Variants in GALNT7 observed in about 807,000 individuals in gnomAD.
The protein encoded by GALNT7 is N-acetylgalactosaminyltransferase 7.
GALNT7 carries 60 observed loss-of-function variants against 82.1 expected under a neutral mutation model. The ratio of observed to expected loss-of-function variants is 0.73; its 90% confidence interval spans 0.59 to 0.91. The LOEUF is 0.91. Ranked by LOEUF, GALNT7 falls within the 40% of genes least tolerant of loss-of-function variation. The pLI, the probability that GALNT7 is intolerant of heterozygous loss-of-function variation, is 0.00. For synonymous variants in GALNT7, 243 were observed against 275.1 expected (o/e 0.88, Z 1.15); for missense variants, 660 against 804.2 (o/e 0.82, Z 2.17).
intron 2 of GALNT7, among the ~76,000 whole-genome samples, chr4:173,278,073 T>A (rs149964043): frequency 9.6e-4 from 146 of 152,330 alleles, no homozygotes; most frequent in Non-Finnish European, 1.5e-3. Flanking sequence ...AAACTTGTTC[T>A]TGGAAACTTG....
At chr4:173,247,785 A>G (rs1734695690) in intron 1 of GALNT7, among the ~76,000 whole-genome samples, 195 bp from the exon 2 acceptor site, 1 of 152,190 alleles carries the variant, frequency 6.6e-6, no homozygotes. Flanking sequence ...GCGAGGAGAT[A>G]GCCTATTTCT....
rs34258933 is a variant in GALNT7 at position 173,237,759 on chromosome 4, T to TA, written c.127-10206dup. 6.5e-3 allele frequency among the ~76,000 whole-genome samples: 937 copies of TA among 144,502 alleles called. 11 individuals are homozygous for TA. The highest frequency in any genetic ancestry group is 0.021 in the African/African-American group (814 of 38,852). 94.8% of individuals were successfully genotyped at this position (144,502 alleles called of 152,430 possible). On this transcript the variant is annotated intron_variant, in intron 1 of 11. Coordinates refer to ENST00000265000, the MANE Select transcript of GALNT7 (RefSeq NM_017423.3). ...GGCCTAAATAAGTACTTCCCTGGAT[T>TA]AAAAAAAAAAAAAAAGTGTTAACAG...
At chr4:173,290,906 T>TC (rs1736508564) in intron 2 of GALNT7, among the ~76,000 whole-genome samples, 1 of 152,164 alleles carries the variant, frequency 6.6e-6, no homozygotes. Flanking sequence ...CTGCAGATGT[T>TC]CCCCAAATGG....
intron 1 of GALNT7, among the ~76,000 whole-genome samples, chr4:173,183,883 G>T (rs1303028410): frequency 1.3e-5 from 2 of 151,436 alleles, no homozygotes; most frequent in Admixed American, 6.6e-5. Context: ...CTTCCCAGAC[G>T]GGGCGGCTGC....
chr4:173,180,294 A>G lies in GALNT7; in HGVS notation c.126+11333A>G, dbSNP rs140222334. ...AGAAATTATTTGCCTAGAAAAATTT[A>G]CCATGCAATATATTTCATCATATTG... On this transcript the variant is annotated intron_variant, in intron 1 of 11. Coordinates refer to ENST00000265000, the MANE Select transcript of GALNT7 (RefSeq NM_017423.3). 2.6e-3 allele frequency among the ~76,000 whole-genome samples: 395 copies of G among 150,612 alleles called. 7 individuals are homozygous for G. Among genetic ancestry groups the G allele is most frequent in the East Asian group, 3.7e-3 (19 of 5,158 alleles).
At chr4:173,254,242 A>T (rs1021387350) in intron 2 of GALNT7, among the ~76,000 whole-genome samples, 1 of 152,198 alleles carries the variant, frequency 6.6e-6, no homozygotes, top group Non-Finnish European at 1.5e-5. Context: ...TTTTACATTT[A>T]CACTCATGCC....
At chr4:173,201,445 A>G (rs2126654080) in intron 1 of GALNT7, among the ~76,000 whole-genome samples, 1 of 152,340 alleles carries the variant, frequency 6.6e-6, no homozygotes, top group East Asian at 1.9e-4. Context: ...GCCTTATGGA[A>G]TCAAGGTAAA....
chr4:173,192,264 A>G (rs1401796328), intron 1 of GALNT7, among the ~76,000 whole-genome samples: 1 of 152,082 alleles, frequency 6.6e-6, no homozygotes, highest in African/African-American at 2.4e-5. Context: ...TTTGGCTTCA[A>G]GGGGTCCTCC....
chr4:173,186,291 A>G (rs1732458734), intron 1 of GALNT7, among the ~76,000 whole-genome samples: 1 of 152,240 alleles, frequency 6.6e-6, no homozygotes. Context: ...ATTAAAAATA[A>G]AAGCTGACAT....
chr4:173,178,072 C>T (rs939501811), intron 1 of GALNT7, among the ~76,000 whole-genome samples: 1 of 147,628 alleles, frequency 6.8e-6, no homozygotes, highest in Non-Finnish European at 1.5e-5. Flanking sequence ...CGCGTGCGCA[C>T]AGACACCTAT....
intron 2 of GALNT7, among the ~76,000 whole-genome samples, chr4:173,279,737 C>T (rs932234315): frequency 6.6e-6 from 1 of 152,098 alleles, no homozygotes; most frequent in Admixed American, 6.5e-5. Context: ...CTTTGGGAGG[C>T]TGAGGCAGAT....
intron 2 of GALNT7, among the ~76,000 whole-genome samples, chr4:173,270,810 T>C (rs1361305865): frequency 6.6e-6 from 1 of 152,238 alleles, no homozygotes; most frequent in Non-Finnish European, 1.5e-5. Context: ...TGTTTTCCTT[T>C]CCCGCTTAAG....
intron 1 of GALNT7, chr4:173,169,336 C>A (rs66986541): frequency 0.66 from 98,870 of 149,770 alleles, 32,832 homozygotes; most frequent in Middle Eastern, 0.73. Flanking sequence ...GCCGGGACCG[C>A]AGCGCTCACG....
At chr4:173,257,397 T>A (rs1735082324) in intron 2 of GALNT7, among the ~76,000 whole-genome samples, 1 of 152,250 alleles carries the variant, frequency 6.6e-6, no homozygotes, top group South Asian at 2.1e-4. Context: ...TTATCTTTGC[T>A]CATTTTAAGC....
At chr4:173,303,684 GA>G (rs2126851128) in intron 7 of GALNT7, among the ~76,000 whole-genome samples, 1 of 152,296 alleles carries the variant, frequency 6.6e-6, no homozygotes, top group East Asian at 1.9e-4. Flanking sequence ...CAATGGAAAT[GA>G]TTAATGAGTT....
intron 9 of GALNT7, among the ~76,000 whole-genome samples, chr4:173,315,603 C>G (rs1277154464): frequency 1.3e-5 from 2 of 152,132 alleles, no homozygotes; most frequent in Admixed American, 1.3e-4. Flanking sequence ...AAGGAAAAAC[C>G]AACAGAGGAC....
chr4:173,251,769 T>A (rs1353778196), intron 2 of GALNT7, among the ~76,000 whole-genome samples: 1 of 152,218 alleles, frequency 6.6e-6, no homozygotes, highest in East Asian at 1.9e-4. Flanking sequence ...TGTGTATTAT[T>A]TCTGTAAATA....
At chr4:173,303,389 C>G (rs887196057) in intron 7 of GALNT7, among the ~76,000 whole-genome samples, 1 of 152,042 alleles carries the variant, frequency 6.6e-6, no homozygotes, top group African/African-American at 2.4e-5. Context: ...TTGGCAGAAT[C>G]AAGCAACATG....
At chr4:173,171,297 T>A (rs2126613254) in intron 1 of GALNT7, among the ~76,000 whole-genome samples, 1 of 152,340 alleles carries the variant, frequency 6.6e-6, no homozygotes, top group East Asian at 1.9e-4. Context: ...CTCCCCCTTG[T>A]GGTTCTTTTA....
Sources: gnomAD v4.1 joint callset for allele counts (sites outside exome capture counted in the v4.1 genomes callset) on GRCh38, gnomAD v4.1.1 for gene constraint, MANE v1.5 for transcripts, NCBI Gene and HGNC (gene_info 2026-07-23, HGNC 2026-07-21) for gene names.